Variants in DLG2 observed in about 807,000 individuals in gnomAD.
DLG2 encodes discs large MAGUK scaffold protein 2.
A neutral mutation model predicts 132.5 loss-of-function variants in DLG2; 45 were observed. The observed-to-expected ratio is 0.34, with a 90% CI of 0.27 to 0.44. DLG2 has a LOEUF of 0.44. Among genes scored for constraint, DLG2 ranks in the 20% least tolerant of loss-of-function variants. DLG2 has a pLI of 1.00. For missense variants in DLG2, 1,045 were observed against 1,196.9 expected (o/e 0.87, Z 1.87); for synonymous variants, 424 against 419.6 (o/e 1.01, Z -0.13).
At chr11:85,191,162 G>GCGCGCGCGCGCGCACACACACA (rs34410192) in intron 4 of DLG2, among the ~76,000 whole-genome samples, 1 of 139,842 alleles carries the variant, frequency 7.2e-6, no homozygotes, top group African/African-American at 2.8e-5. Context: ...GCGCACGCGC[G>GCGCGCGCGCGCGCACACACACA]CACACACACA....
rs138088755 is a variant in DLG2, at chr11:84,189,453, C to G, written c.574-25942G>C. Among the ~76,000 whole-genome samples the G allele has an allele frequency of 3.5e-4, 54 of 152,248 alleles. No individual in the cohort carries two copies. The East Asian group carries it at 7.3e-3, about 21-fold the overall frequency. Reference sequence around the variant, plus strand: ...CCTAGAGGCAGAAATACCATTTGGTCCAGCAATCCAATTACTGGGTATATA... The same window carrying G: ...CCTAGAGGCAGAAATACCATTTGGTGCAGCAATCCAATTACTGGGTATATA... On this transcript the variant is annotated intron_variant, in intron 8 of 27. Transcript: ENST00000376104.
chr11:83,837,312 C>T (rs1036611094), intron 16 of DLG2, among the ~76,000 whole-genome samples: 2 of 152,256 alleles, frequency 1.3e-5, no homozygotes, highest in Admixed American at 1.3e-4. Flanking sequence ...AGTTCAGCTC[C>T]CCACTAGAAA....
At chr11:84,033,853 A>G (rs529666373) in intron 11 of DLG2, among the ~76,000 whole-genome samples, 1 of 152,268 alleles carries the variant, frequency 6.6e-6, no homozygotes, top group South Asian at 2.1e-4. Flanking sequence ...AGCCTGACCA[A>G]CATGGAGAAA....
chr11:84,032,237 G>C (rs1298183465), intron 11 of DLG2, among the ~76,000 whole-genome samples: 2 of 152,174 alleles, frequency 1.3e-5, no homozygotes, highest in African/African-American at 4.8e-5. Flanking sequence ...GTTGAAAGCT[G>C]AGGTAGGTAG....
chr11:83,934,324 C>A (rs545463279), intron 14 of DLG2, among the ~76,000 whole-genome samples: 3 of 152,178 alleles, frequency 2.0e-5, no homozygotes, highest in Non-Finnish European at 4.4e-5. Flanking sequence ...GTACCTGAGA[C>A]TAATACCAGA....
intron 7 of DLG2, among the ~76,000 whole-genome samples, chr11:84,340,826 T>C (rs1567339554): frequency 8.0e-6 from 1 of 125,672 alleles, no homozygotes; most frequent in Non-Finnish European, 1.6e-5. Flanking sequence ...GGGGCTAGTG[T>C]TAAAGGGCCA....
At chr11:85,521,218 G>A (rs1242281579) in intron 3 of DLG2, among the ~76,000 whole-genome samples, 1 of 152,154 alleles carries the variant, frequency 6.6e-6, no homozygotes, top group Non-Finnish European at 1.5e-5. Context: ...TAAACCATTG[G>A]AATGATTCCC....
intron 11 of DLG2, among the ~76,000 whole-genome samples, chr11:84,015,632 G>A (rs140016817): frequency 8.5e-4 from 129 of 152,186 alleles, no homozygotes; most frequent in Admixed American, 1.7e-3. Flanking sequence ...GGGAACGGGT[G>A]GTATTTGGTT....
intron 10 of DLG2, 94 bp from the exon 11 acceptor site, chr11:84,059,578 G>A: frequency 2.0e-6 from 2 of 990,034 alleles, no homozygotes; most frequent in Non-Finnish European, 2.8e-6. Context: ...AAGTGGGAAA[G>A]TAAAGAATCT....
At chr11:84,952,378 G>A (rs2051054139) in intron 6 of DLG2, among the ~76,000 whole-genome samples, 2 of 152,070 alleles carry the variant, frequency 1.3e-5, no homozygotes, top group South Asian at 2.1e-4. Context: ...TTAGCCGGGC[G>A]CAGTGGCGGG....
At chr11:84,421,534 G>A (rs2098950785) in intron 7 of DLG2, among the ~76,000 whole-genome samples, 2 of 152,104 alleles carry the variant, frequency 1.3e-5, no homozygotes, top group Non-Finnish European at 2.9e-5. Context: ...CTCCTTGTCT[G>A]TACTCTTGCT....
chr11:84,098,784 G>A (rs528954974), intron 10 of DLG2, 139 bp downstream of exon 10: 6 of 983,938 alleles, frequency 6.1e-6, no homozygotes, highest in African/African-American at 3.3e-5. Context: ...GATCTGCAAA[G>A]TCATTTCAGG....
At chr11:83,780,301 C>T (rs80287303) in intron 18 of DLG2, among the ~76,000 whole-genome samples, 2,182 of 152,150 alleles carry the variant, frequency 0.014, 59 homozygotes, top group African/African-American at 0.049. Flanking sequence ...TATCTTTGAC[C>T]CCATAGAGAA....
In DLG2 at chr11:83,578,769, C is replaced by T. The variant is rs568009716; in HGVS notation, c.1941-36911G>A. On this transcript the variant is annotated intron_variant, in intron 19 of 27. Transcript: ENST00000376104. ...GAAACAAAAATGTGAACATTAGCAA[C>T]TTGACTTAATTAGCATTTATAGACT... 5.9e-5 allele frequency among the ~76,000 whole-genome samples: 9 copies of T among 152,284 alleles called. No homozygotes were observed. In the South Asian group the frequency reaches 1.9e-3, roughly 32 times the overall value.
At chr11:83,673,975 T>C (rs183051763) in intron 18 of DLG2, among the ~76,000 whole-genome samples, 70 of 152,364 alleles carry the variant, frequency 4.6e-4, no homozygotes, top group African/African-American at 1.7e-3. Context: ...TTTACCACTT[T>C]TTAAAAACTC....
chr11:84,003,646 G>T (rs1175433716), intron 11 of DLG2, among the ~76,000 whole-genome samples: 1 of 152,032 alleles, frequency 6.6e-6, no homozygotes, highest in Non-Finnish European at 1.5e-5. Context: ...AATAGTATGG[G>T]GGAAAACACC....
intron 6 of DLG2, among the ~76,000 whole-genome samples, chr11:84,654,382 A>C (rs2099685703): frequency 6.6e-6 from 1 of 152,270 alleles, no homozygotes; most frequent in African/African-American, 2.4e-5. Flanking sequence ...TTCTTAAAGA[A>C]TTGCAGTCTA....
intron 3 of DLG2, among the ~76,000 whole-genome samples, chr11:85,397,297 A>C (rs989541684): frequency 9.2e-5 from 14 of 152,204 alleles, no homozygotes; most frequent in Non-Finnish European, 1.8e-4. Flanking sequence ...ATGGAAAGGA[A>C]CAACAAGTAC....
chr11:84,865,028 T>C (rs1280780133), intron 6 of DLG2, among the ~76,000 whole-genome samples: 2 of 152,132 alleles, frequency 1.3e-5, no homozygotes, highest in Non-Finnish European at 2.9e-5. Flanking sequence ...AAAATCTGAC[T>C]AAAGATCTTT....
Sources: allele counts gnomAD v4.1 joint callset (sites outside exome capture counted in the v4.1 genomes callset), GRCh38; gene constraint gnomAD v4.1.1; transcripts MANE v1.5; gene names NCBI Gene and HGNC (gene_info 2026-07-23, HGNC 2026-07-21).